PCED1B: variants seen among roughly 807,000 people sequenced by gnomAD.
The protein encoded by PCED1B is PC-esterase domain containing 1B.
For synonymous variants in PCED1B, 251 were observed against 246.1 expected (o/e 1.02, Z -0.19); for missense variants, 573 against 573.9 (o/e 1.00, Z 0.02).
chr12:47,106,766 G>GTTCTTT (rs937295592), intron 2 of PCED1B, among the ~76,000 whole-genome samples: 4 of 152,130 alleles, frequency 2.6e-5, no homozygotes, highest in African/African-American at 7.2e-5. Context: ...GTTAGAGCAT[G>GTTCTTT]TTCTTTTTCT....
At chr12:47,234,777 C>A (rs989947205) in intron 3 of PCED1B, among the ~76,000 whole-genome samples, 2 of 152,172 alleles carry the variant, frequency 1.3e-5, no homozygotes, top group African/African-American at 2.4e-5. Context: ...ATAGGTCAAG[C>A]CCCAGGCCTG....
chr12:47,097,819 C>T (rs927504480), intron 1 of PCED1B, among the ~76,000 whole-genome samples: 4 of 152,190 alleles, frequency 2.6e-5, no homozygotes, highest in Non-Finnish European at 5.9e-5. Flanking sequence ...GCACTGTCTC[C>T]TCAGTTCACC....
chr12:47,112,564 T>C (rs1939246537), intron 2 of PCED1B, among the ~76,000 whole-genome samples: 1 of 152,228 alleles, frequency 6.6e-6, no homozygotes, highest in African/African-American at 2.4e-5. Flanking sequence ...GCTGAAGCTT[T>C]GTTTGTGATT....
chr12:47,217,528 AGAG>A (rs140726396), intron 3 of PCED1B, among the ~76,000 whole-genome samples: 10,911 of 85,902 alleles, frequency 0.13, 1,746 homozygotes, highest in African/African-American at 0.39. Context: ...AGAAAGAGAA[AGAG>A]AGAAAAGAAA....
At chr12:47,169,266 C>T (rs1439059717) in intron 2 of PCED1B, among the ~76,000 whole-genome samples, 1 of 152,146 alleles carries the variant, frequency 6.6e-6, no homozygotes, top group Non-Finnish European at 1.5e-5. Context: ...TTAGCAAGGC[C>T]TATTTGTTTG....
chr12:47,115,524 C>CCCTCCCTCCATTCTCCTTGCCCT lies in PCED1B; in HGVS notation c.-526+11338_-526+11360dup, dbSNP rs1238351834. The stretch of plus-strand genomic sequence containing the variant: ...AATATGAACACTTTGATACCTCCTC[C>CCCTCCCTCCATTCTCCTTGCCCT]CCTCCCTCCATTCTCCTTGCCCTCC... On this transcript the variant is annotated intron_variant, in intron 2 of 3. Coordinates refer to ENST00000546455, the MANE Select transcript of PCED1B (RefSeq NM_138371.3). Among the ~76,000 whole-genome samples the CCCTCCCTCCATTCTCCTTGCCCT allele has an allele frequency of 2.6e-5, 4 of 152,208 alleles. No homozygotes were observed. In the East Asian group the frequency reaches 7.7e-4, roughly 29 times the overall value.
intron 2 of PCED1B, among the ~76,000 whole-genome samples, chr12:47,113,666 T>C (rs979519820): frequency 7.9e-5 from 12 of 152,292 alleles, no homozygotes; most frequent in Admixed American, 6.5e-4. Flanking sequence ...GAACCATATA[T>C]GTCCAAAGTG....
chr12:47,177,580 T>C (rs1021149160), intron 2 of PCED1B, among the ~76,000 whole-genome samples: 2 of 152,162 alleles, frequency 1.3e-5, no homozygotes, highest in African/African-American at 2.4e-5. Flanking sequence ...AGCACCTATG[T>C]TGTACTGATG....
chr12:47,135,412 G>A lies in PCED1B; in HGVS notation c.-526+31217G>A, dbSNP rs115379745. The A allele has an allele frequency of 3.4e-3, 830 of 246,144 alleles. 6 individuals carry two copies. Among genetic ancestry groups the A allele is most frequent in the African/African-American group, 0.017 (748 of 43,356 alleles). The allele number at this position is 246,144 out of a possible 1,614,324, so 15.2% of individuals were successfully genotyped here. ...TACAGGACTCAGCTTTGGGGGCAGG[G>A]CAAGGAATGGAAGGCGGAGTGCATG... is the stretch of plus-strand genomic sequence containing the variant. On this transcript the variant is annotated intron_variant, in intron 2 of 3. Coordinates refer to ENST00000546455, the MANE Select transcript of PCED1B (RefSeq NM_138371.3).
intron 1 of PCED1B, among the ~76,000 whole-genome samples, chr12:47,087,685 A>G (rs751787235): frequency 2.0e-5 from 3 of 152,242 alleles, no homozygotes; most frequent in Non-Finnish European, 4.4e-5. Context: ...AAATATTCCA[A>G]TTCAGAATTT....
At chr12:47,193,834 G>C (rs746865841) in intron 2 of PCED1B, among the ~76,000 whole-genome samples, 19 of 152,200 alleles carry the variant, frequency 1.2e-4, no homozygotes, top group Admixed American at 1.3e-4. Flanking sequence ...GTTTATTTCA[G>C]GGTGTCTGCC....
chr12:47,147,212 T>C (rs1001830469), intron 2 of PCED1B, among the ~76,000 whole-genome samples: 1 of 152,128 alleles, frequency 6.6e-6, no homozygotes, highest in Non-Finnish European at 1.5e-5. Flanking sequence ...AGACAGGGTT[T>C]CACCATATTG....
intron 2 of PCED1B, among the ~76,000 whole-genome samples, chr12:47,173,436 T>G (rs191829294): frequency 6.6e-6 from 1 of 152,156 alleles, no homozygotes; most frequent in Non-Finnish European, 1.5e-5. Flanking sequence ...GTATTTTTAG[T>G]AGAGACAGGG....
chr12:47,153,340 A>C, intron 2 of PCED1B, among the ~76,000 whole-genome samples: 1 of 140,848 alleles, frequency 7.1e-6, no homozygotes, highest in African/African-American at 2.7e-5. Flanking sequence ...TGGGTGACAG[A>C]GCAAGACTCC....
At chr12:47,182,823 A>T (rs146947835) in intron 2 of PCED1B, among the ~76,000 whole-genome samples, 1 of 152,272 alleles carries the variant, frequency 6.6e-6, no homozygotes, top group East Asian at 1.9e-4. Context: ...TCGCCACACC[A>T]TACTGCCTTA....
chr12:47,188,991 G>A (rs944581329), intron 2 of PCED1B, among the ~76,000 whole-genome samples: 12 of 152,014 alleles, frequency 7.9e-5, no homozygotes, highest in Non-Finnish European at 1.5e-4. Flanking sequence ...TTCTCTCCAT[G>A]TTTACTCAAA....
At chr12:47,122,976 T>C (rs1441138352) in intron 2 of PCED1B, among the ~76,000 whole-genome samples, 1 of 152,230 alleles carries the variant, frequency 6.6e-6, no homozygotes, top group Non-Finnish European at 1.5e-5. Context: ...AGTGGAGATA[T>C]CTGAGTTTCA....
intron 1 of PCED1B, among the ~76,000 whole-genome samples, chr12:47,089,619 A>T (rs1938176921): frequency 6.6e-6 from 1 of 151,562 alleles, no homozygotes. Context: ...AGAGTAATTC[A>T]TTTGATGACT....
intron 2 of PCED1B, among the ~76,000 whole-genome samples, chr12:47,196,849 T>A (rs1046078097): frequency 1.3e-5 from 2 of 151,480 alleles, no homozygotes; most frequent in African/African-American, 4.8e-5. Flanking sequence ...ATATAAAAAA[T>A]AAACTTTATA....
Sources: gnomAD v4.1 joint callset for allele counts (sites outside exome capture counted in the v4.1 genomes callset) on GRCh38, gnomAD v4.1.1 for gene constraint, MANE v1.5 for transcripts, NCBI Gene and HGNC (gene_info 2026-07-23, HGNC 2026-07-21) for gene names.